The following GNG12 variants were observed in gnomAD, a reference collection of about 807,000 sequenced individuals.
GNG12 encodes guanine nucleotide-binding protein G(I)/G(S)/G(O) subunit gamma-12.
For synonymous variants in GNG12, 28 were observed against 29.7 expected (o/e 0.94, Z 0.19); for missense variants, 69 against 83.8 (o/e 0.82, Z 0.69).
chr1:67,754,171 G>C (rs1205213069), intron 2 of GNG12, among the ~76,000 whole-genome samples: 1 of 152,094 alleles, frequency 6.6e-6, no homozygotes, highest in Non-Finnish European at 1.5e-5. Flanking sequence ...TTTCTGGGCA[G>C]CTGGAGGGCA....
intron 1 of GNG12, among the ~76,000 whole-genome samples, chr1:67,804,124 A>C (rs1423659266): frequency 6.6e-6 from 1 of 152,128 alleles, no homozygotes; most frequent in Non-Finnish European, 1.5e-5. Context: ...AGGAGGGAAG[A>C]AATCCTGTTC....
At chr1:67,787,096 C>T (rs143490123) in intron 1 of GNG12, among the ~76,000 whole-genome samples, 2 of 146,180 alleles carry the variant, frequency 1.4e-5, no homozygotes, top group East Asian at 4.0e-4. Context: ...AAGGAACCCA[C>T]AGTAAGTCAT....
At chr1:67,798,725 G>A (rs1017405936) in intron 1 of GNG12, among the ~76,000 whole-genome samples, 11 of 152,118 alleles carry the variant, frequency 7.2e-5, no homozygotes, top group African/African-American at 2.4e-4. Context: ...GTTGGCTGAG[G>A]TGGGTGGATC....
intron 2 of GNG12, among the ~76,000 whole-genome samples, chr1:67,744,393 T>C (rs945297733): frequency 6.6e-6 from 1 of 152,138 alleles, no homozygotes; most frequent in African/African-American, 2.4e-5. Flanking sequence ...TGAGATGAAA[T>C]TCTCAGGTGT....
intron 2 of GNG12, among the ~76,000 whole-genome samples, chr1:67,772,024 A>G (rs1646677780): frequency 6.6e-6 from 1 of 152,210 alleles, no homozygotes; most frequent in Non-Finnish European, 1.5e-5. Context: ...CAAGAAAGGA[A>G]TGTGTAAGAT....
At chr1:67,757,129 C>G (rs1470765266) in intron 2 of GNG12, among the ~76,000 whole-genome samples, 1 of 152,122 alleles carries the variant, frequency 6.6e-6, no homozygotes. Flanking sequence ...GGATAAGACC[C>G]AAGTCTAAAC....
At chr1:67,755,419 T>C (rs546149445) in intron 2 of GNG12, among the ~76,000 whole-genome samples, 1 of 152,320 alleles carries the variant, frequency 6.6e-6, no homozygotes, top group African/African-American at 2.4e-5. Flanking sequence ...TGTTTTAGAC[T>C]GTGGTCTTTT....
Position 67,771,088 on chromosome 1 carries a change from A to G in GNG12, c.-27+6370T>C, listed in dbSNP as rs991546874. Among the ~76,000 whole-genome samples the G allele has an allele frequency of 1.4e-4, 21 of 152,216 alleles. 1 individual carries two copies. Among genetic ancestry groups the G allele is most frequent in the Admixed American group, 1.2e-3 (18 of 15,276 alleles). Reference sequence around the variant, plus strand: ...TCATTACCAGAAAAGTAACCAGAAAAGTCATGGGCCTGATCAAGTTATTAT... The same window carrying G: ...TCATTACCAGAAAAGTAACCAGAAAGGTCATGGGCCTGATCAAGTTATTAT... On this transcript the variant is annotated intron_variant, in intron 2 of 3. Coordinates refer to ENST00000370982, the MANE Select transcript of GNG12 (RefSeq NM_018841.6).
intron 2 of GNG12, among the ~76,000 whole-genome samples, chr1:67,770,353 T>G (rs1646666810): frequency 6.6e-6 from 1 of 152,130 alleles, no homozygotes; most frequent in African/African-American, 2.4e-5. Context: ...GTGGTGAGTT[T>G]GATATGCATC....
chr1:67,782,691 T>C (rs1646744318), intron 1 of GNG12, among the ~76,000 whole-genome samples: 3 of 152,300 alleles, frequency 2.0e-5, no homozygotes, highest in Middle Eastern at 6.8e-3. Context: ...TAGATTCCTA[T>C]TTCATCACAC....
Position 67,786,396 on chromosome 1 carries a change from C to A in GNG12, c.-76-8889G>T, listed in dbSNP as rs528363829. The stretch of plus-strand genomic sequence containing the variant: ...CTAACACTAAATTGGACGGTGGTCC[C>A]CAGATAGAGAGGATGGGGCTCTTTT... On this transcript the variant is annotated intron_variant, in intron 1 of 3. Transcript: ENST00000370982. Among the ~76,000 whole-genome samples, 4 of 152,190 alleles carry A rather than the reference C, an allele frequency of 2.6e-5. No homozygotes were observed. The South Asian group carries it at 8.3e-4, about 32-fold the overall frequency.
chr1:67,821,104 A>C lies in GNG12; in HGVS notation c.-77+12240T>G, dbSNP rs552104607. 5.9e-5 allele frequency among the ~76,000 whole-genome samples: 9 copies of C among 152,338 alleles called. No individual in the cohort carries two copies. In the East Asian group the frequency reaches 1.5e-3, roughly 26 times the overall value. On this transcript the variant is annotated intron_variant, in intron 1 of 3. Coordinates refer to ENST00000370982, the MANE Select transcript of GNG12 (RefSeq NM_018841.6). Reference sequence around the variant, plus strand: ...TTGTTCACATTTTAAGATCCCTGATAATTGGAATGATTCTTCATGGTAGGC... The same window carrying C: ...TTGTTCACATTTTAAGATCCCTGATCATTGGAATGATTCTTCATGGTAGGC...
chr1:67,748,540 G>A (rs1646519926), intron 2 of GNG12, among the ~76,000 whole-genome samples: 1 of 152,198 alleles, frequency 6.6e-6, no homozygotes, highest in South Asian at 2.1e-4. Context: ...AGAGAGGGTG[G>A]AGGAAGAAGT....
intron 2 of GNG12, among the ~76,000 whole-genome samples, chr1:67,722,358 A>C (rs866684304): frequency 2.6e-5 from 4 of 152,318 alleles, no homozygotes; most frequent in Middle Eastern, 6.8e-3. Flanking sequence ...TGCAGTCGCC[A>C]GCTGGGGCTG....
intron 1 of GNG12, among the ~76,000 whole-genome samples, chr1:67,784,425 C>T (rs1286538262): frequency 6.6e-6 from 1 of 151,016 alleles, no homozygotes; most frequent in Non-Finnish European, 1.5e-5. Context: ...ATGTAACTAA[C>T]CTGCACAATG....
intron 2 of GNG12, among the ~76,000 whole-genome samples, chr1:67,755,404 T>C (rs1355871207): frequency 4.6e-5 from 7 of 152,190 alleles, no homozygotes; most frequent in Non-Finnish European, 8.8e-5. Context: ...ACAAATCTTG[T>C]TTCTTGTTTT....
chr1:67,711,472 T>C (rs1423734285), intron 2 of GNG12, among the ~76,000 whole-genome samples: 1 of 151,680 alleles, frequency 6.6e-6, no homozygotes, highest in African/African-American at 2.4e-5. Context: ...CAACGAGTTA[T>C]GGGAGGTAAG....
chr1:67,746,762 T>A (rs1023045560), intron 2 of GNG12, among the ~76,000 whole-genome samples: 3 of 152,186 alleles, frequency 2.0e-5, no homozygotes, highest in East Asian at 1.9e-4. Context: ...TTCAAGGAGG[T>A]TGCCATTTTA....
intron 1 of GNG12, among the ~76,000 whole-genome samples, chr1:67,801,509 G>A (rs372716081): frequency 1.3e-5 from 2 of 152,176 alleles, no homozygotes; most frequent in African/African-American, 2.4e-5. Context: ...AGGCTTGGAT[G>A]TTGGTGCAGT....
Sources: allele counts gnomAD v4.1 joint callset (sites outside exome capture counted in the v4.1 genomes callset), GRCh38; gene constraint gnomAD v4.1.1; transcripts MANE v1.5; gene names NCBI Gene and HGNC (gene_info 2026-07-23, HGNC 2026-07-21).